The following ARHGAP21 variants were observed in gnomAD, a reference collection of about 807,000 sequenced individuals.
ARHGAP21 encodes the protein Rho GTPase activating protein 21.
A neutral mutation model predicts 164.6 loss-of-function variants in ARHGAP21; 38 were observed. That is an observed-to-expected ratio of 0.23 (90% CI 0.18 to 0.30). The LOEUF is 0.30. Ranked by LOEUF, ARHGAP21 falls within the 10% of genes least tolerant of loss-of-function variation. The pLI is 1.00. For missense variants in ARHGAP21, 1,822 were observed against 2,370.7 expected (o/e 0.77, Z 4.81); for synonymous variants, 766 against 857.9 (o/e 0.89, Z 1.87).
chr10:24,630,089 G>GC, intron 6 of ARHGAP21, 39 bp from the exon 7 acceptor site: 1 of 1,206,702 alleles, frequency 8.3e-7, no homozygotes, highest in South Asian at 1.7e-5. Flanking sequence ...AGAGGTAGAA[G>GC]TGTATAAAAA....
intron 2 of ARHGAP21, among the ~76,000 whole-genome samples, chr10:24,674,583 G>A (rs1841031888): frequency 6.6e-6 from 1 of 151,960 alleles, no homozygotes; most frequent in South Asian, 2.1e-4. Flanking sequence ...CTACTCAGGA[G>A]GCTAAGGCAT....
At chr10:24,595,247 C>T (rs2076528526) in intron 19 of ARHGAP21, 57 bp from the exon 20 acceptor site, 1 of 1,391,156 alleles carries the variant, frequency 7.2e-7, no homozygotes. Flanking sequence ...GAATTGTAAT[C>T]TAGTTTCCCT....
intron 4 of ARHGAP21, among the ~76,000 whole-genome samples, chr10:24,658,599 G>A (rs1398289953): frequency 6.6e-6 from 1 of 152,122 alleles, no homozygotes; most frequent in Non-Finnish European, 1.5e-5. Context: ...AACACTGCAT[G>A]TTCTCACTCA....
chr10:24,635,824 C>T (rs190375689), intron 4 of ARHGAP21, among the ~76,000 whole-genome samples: 9 of 152,338 alleles, frequency 5.9e-5, no homozygotes, highest in African/African-American at 1.9e-4. Flanking sequence ...GGATTACAGG[C>T]GTGAGCCACC....
chr10:24,696,422 C>T (rs888396862), intron 2 of ARHGAP21, among the ~76,000 whole-genome samples: 4 of 152,266 alleles, frequency 2.6e-5, no homozygotes, highest in East Asian at 1.9e-4. Flanking sequence ...TCACACAGGA[C>T]GAAGAAGAGA....
At chr10:24,658,252 T>C (rs997495404) in intron 4 of ARHGAP21, among the ~76,000 whole-genome samples, 1 of 152,176 alleles carries the variant, frequency 6.6e-6, no homozygotes, top group Non-Finnish European at 1.5e-5. Flanking sequence ...TCAACCATTG[T>C]GGAAGACAGT....
intron 9 of ARHGAP21, among the ~76,000 whole-genome samples, chr10:24,612,873 A>G (rs1458333024): frequency 6.6e-6 from 1 of 151,942 alleles, no homozygotes; most frequent in Non-Finnish European, 1.5e-5. Context: ...ATAAATAAAT[A>G]AATAAATAAA....
At chr10:24,634,334 T>C (rs1030766995) in intron 5 of ARHGAP21, among the ~76,000 whole-genome samples, 4 of 152,192 alleles carry the variant, frequency 2.6e-5, no homozygotes, top group Admixed American at 6.5e-5. Flanking sequence ...GGTGAAAATA[T>C]AGCATTGTAT....
chr10:24,670,166 T>C (rs1468025565), intron 3 of ARHGAP21, 52 bp downstream of exon 3: 7 of 1,337,196 alleles, frequency 5.2e-6, no homozygotes, highest in East Asian at 4.9e-5. Context: ...TAGAAGGGGA[T>C]AGGAATGGCC....
At chr10:24,662,171 C>T (rs1338885837) in intron 4 of ARHGAP21, among the ~76,000 whole-genome samples, 1 of 152,146 alleles carries the variant, frequency 6.6e-6, no homozygotes, top group Non-Finnish European at 1.5e-5. Context: ...ATGCAGGATT[C>T]ACAGAATTAA....
At chr10:24,709,488 C>T (rs187036760) in intron 2 of ARHGAP21, among the ~76,000 whole-genome samples, 156 of 152,098 alleles carry the variant, frequency 1.0e-3, no homozygotes, top group African/African-American at 3.7e-3. Context: ...CTGTAATCCC[C>T]GCACTTTGGG....
intron 2 of ARHGAP21, among the ~76,000 whole-genome samples, chr10:24,673,982 C>G (rs1840967260): frequency 6.6e-6 from 1 of 152,096 alleles, no homozygotes; most frequent in Non-Finnish European, 1.5e-5. Flanking sequence ...AGATATAACC[C>G]CAAGGAACAT....
intron 2 of ARHGAP21, among the ~76,000 whole-genome samples, chr10:24,692,705 A>G (rs2132031164): frequency 6.6e-6 from 1 of 152,252 alleles, no homozygotes; most frequent in East Asian, 1.9e-4. Flanking sequence ...GGTGGCAGAC[A>G]CCTATAATCC....
chr10:24,722,911 G>A (rs1439882493), intron 1 of ARHGAP21, among the ~76,000 whole-genome samples: 2 of 151,984 alleles, frequency 1.3e-5, no homozygotes, highest in African/African-American at 4.8e-5. Flanking sequence ...TGATTCTGGA[G>A]CTACACCCGA....
chr10:24,709,987 A>G (rs1172133553), intron 2 of ARHGAP21, among the ~76,000 whole-genome samples: 2 of 152,118 alleles, frequency 1.3e-5, no homozygotes, highest in African/African-American at 4.8e-5. Flanking sequence ...ATATCTCTTT[A>G]TGTCTGTTTT....
chr10:24,721,948 G>C lies in ARHGAP21; in HGVS notation c.-49C>G. On this transcript the variant is annotated 5_prime_UTR_variant, in exon 2 of 26. Transcript: ENST00000396432. ...GACAAATCCTTTGGAGTCCACATTG[G>C]ACGTGGCGGGGAATGCCACCACACA... 6.3e-7 allele frequency: 1 copy of C among 1,596,920 alleles called. No homozygotes were observed. Among genetic ancestry groups the C allele is most frequent in the Non-Finnish European group, 8.6e-7 (1 of 1,166,854 alleles).
chr10:24,721,473 C>T (rs1367586932), intron 2 of ARHGAP21, among the ~76,000 whole-genome samples: 1 of 152,228 alleles, frequency 6.6e-6, no homozygotes, highest in Non-Finnish European at 1.5e-5. Flanking sequence ...CCACCCCCAA[C>T]CAGCTCAACT....
intron 4 of ARHGAP21, among the ~76,000 whole-genome samples, chr10:24,653,749 G>A (rs1052463184): frequency 5.9e-5 from 9 of 151,910 alleles, no homozygotes; most frequent in African/African-American, 2.2e-4. Context: ...CTCTTTCCTA[G>A]GATTTCATAT....
intron 4 of ARHGAP21, among the ~76,000 whole-genome samples, chr10:24,640,993 G>A (rs1836955628): frequency 6.6e-6 from 1 of 152,276 alleles, no homozygotes; most frequent in South Asian, 2.1e-4. Context: ...GAAGGAAAAA[G>A]AAAGGTTATG....
Sources: gnomAD v4.1 joint callset for allele counts (sites outside exome capture counted in the v4.1 genomes callset) on GRCh38, gnomAD v4.1.1 for gene constraint, MANE v1.5 for transcripts, NCBI Gene and HGNC (gene_info 2026-07-23, HGNC 2026-07-21) for gene names.